Variants in RORB observed in about 807,000 individuals in gnomAD.
RORB encodes RAR related orphan receptor B, also known as nuclear receptor ROR-beta.
A neutral mutation model predicts 59.1 loss-of-function variants in RORB; 6 were observed. The ratio of observed to expected loss-of-function variants is 0.10; its 90% CI spans 0.06 to 0.20. The LOEUF is 0.20. Ranked by LOEUF, RORB falls within the 10% of genes least tolerant of loss-of-function variation. The pLI is 1.00. For missense variants in RORB, 320 were observed against 560.5 expected, an observed-to-expected ratio of 0.57 and a Z score of 4.33; for synonymous variants, 215 against 204.5, an observed-to-expected ratio of 1.05 and a Z score of -0.44.
At chr9:74,639,969 T>C (rs1823770159) in intron 3 of RORB, among the ~76,000 whole-genome samples, 1 of 152,172 alleles carries the variant, frequency 6.6e-6, no homozygotes, top group Admixed American at 6.5e-5. Flanking sequence ...AAACTGGAAA[T>C]GTCACTGCAA....
At chr9:74,579,442 G>A (rs998979934) in intron 1 of RORB, among the ~76,000 whole-genome samples, 4 of 151,908 alleles carry the variant, frequency 2.6e-5, no homozygotes, top group African/African-American at 9.7e-5. Context: ...AATTCCCAAA[G>A]GCTTTCCTCC....
chr9:74,591,924 G>T (rs1219821823), intron 1 of RORB, among the ~76,000 whole-genome samples: 1 of 152,112 alleles, frequency 6.6e-6, no homozygotes, highest in Non-Finnish European at 1.5e-5. Context: ...GCCTGTGTGT[G>T]CATGTTCATG....
intron 1 of RORB, among the ~76,000 whole-genome samples, chr9:74,560,583 G>C (rs997100048): frequency 6.6e-6 from 1 of 151,984 alleles, no homozygotes; most frequent in Non-Finnish European, 1.5e-5. Flanking sequence ...TCTTTCCAAA[G>C]AGAGACCAAA....
intron 1 of RORB, among the ~76,000 whole-genome samples, chr9:74,537,192 C>T (rs1826333543): frequency 6.6e-6 from 1 of 152,028 alleles, no homozygotes; most frequent in Non-Finnish European, 1.5e-5. Context: ...CTTCATCATT[C>T]ATCGTTACCT....
intron 4 of RORB, among the ~76,000 whole-genome samples, chr9:74,645,694 A>T (rs1050510414): frequency 1.3e-4 from 20 of 152,200 alleles, no homozygotes; most frequent in African/African-American, 4.8e-4. Context: ...AGCAAGTCCT[A>T]TTTAAATTCT....
At chr9:74,676,907 G>A (rs1001353387) in intron 9 of RORB, among the ~76,000 whole-genome samples, 5 of 152,212 alleles carry the variant, frequency 3.3e-5, no homozygotes, top group Non-Finnish European at 7.3e-5. Context: ...GGGTAGCCAT[G>A]GAAAGAGAAT....
In RORB at chr9:74,685,561, G is replaced by C; in HGVS notation, c.1323G>C (p.Leu441=). 1 of 1,612,490 alleles carries C rather than the reference G, an allele frequency of 6.2e-7. No homozygotes were observed. The highest frequency in any genetic ancestry group is 8.5e-7 in the Non-Finnish European group (1 of 1,178,862). The change falls in exon 10 of 10, where the codon CTG becomes CTC. Residue 441 remains leucine, a synonymous_variant. Transcript: ENST00000376896. ...CTCATCCAGAGATAGTGAATACACT[G>C]TTTCCTCCGTTATACAAGGAGCTCT... is the stretch of plus-strand genomic sequence containing the variant. ...KQSHPEIVNT[L]FPPLYKELFN...
intron 1 of RORB, among the ~76,000 whole-genome samples, chr9:74,501,281 G>A (rs1265540948): frequency 6.6e-6 from 1 of 152,122 alleles, no homozygotes; most frequent in East Asian, 1.9e-4. Flanking sequence ...TCTATTATTT[G>A]CAGGTAGTTA....
chr9:74,525,890 AT>A (rs1397361370), intron 1 of RORB, among the ~76,000 whole-genome samples: 6 of 151,940 alleles, frequency 3.9e-5, no homozygotes, highest in Non-Finnish European at 8.8e-5. Flanking sequence ...GCAAATGCAA[AT>A]TTACTAGAGT....
At chr9:74,531,348 A>G (rs571864267) in intron 1 of RORB, among the ~76,000 whole-genome samples, 9 of 152,122 alleles carry the variant, frequency 5.9e-5, no homozygotes, top group Middle Eastern at 3.4e-3. Flanking sequence ...CCTTCAGACT[A>G]GGTCCATGTG....
intron 1 of RORB, among the ~76,000 whole-genome samples, chr9:74,530,653 C>T (rs551631320): frequency 2.0e-5 from 3 of 152,084 alleles, no homozygotes; most frequent in South Asian, 2.1e-4. Context: ...GATCCTTCCA[C>T]GCTGTCCTCA....
At chr9:74,682,707 A>C (rs1396524716) in intron 9 of RORB, among the ~76,000 whole-genome samples, 2 of 152,204 alleles carry the variant, frequency 1.3e-5, no homozygotes, top group African/African-American at 2.4e-5. Context: ...AAAGCAGCTA[A>C]TTCTACACTT....
rs541165761 is a variant in RORB at position 74,562,074 on chromosome 9, G to A, written c.7+64091G>A. 1.1e-4 allele frequency among the ~76,000 whole-genome samples: 17 copies of A among 152,238 alleles called. 1 individual carries two copies. In the South Asian group the frequency reaches 2.9e-3, roughly 26 times the overall value. The stretch of plus-strand genomic sequence containing the variant: ...AGAGGATGGTGCATGTTGTCAGTAC[G>A]TCATATTGCTGATGGTGTTTAATTA... On this transcript the variant is annotated intron_variant, in intron 1 of 9. Coordinates refer to ENST00000376896, the MANE Select transcript of RORB (RefSeq NM_006914.4).
intron 1 of RORB, among the ~76,000 whole-genome samples, chr9:74,583,570 A>G (rs1411673289): frequency 6.6e-6 from 1 of 151,966 alleles, no homozygotes; most frequent in East Asian, 1.9e-4. Context: ...TGTTTGCCAA[A>G]TGATTGTTTT....
intron 1 of RORB, among the ~76,000 whole-genome samples, chr9:74,579,206 A>C (rs1822682281): frequency 6.6e-6 from 1 of 152,150 alleles, no homozygotes; most frequent in Non-Finnish European, 1.5e-5. Flanking sequence ...GACTTTCAGC[A>C]AGTCAAGCAA....
chr9:74,563,184 CTTTTTT>C (rs766404071), intron 1 of RORB, among the ~76,000 whole-genome samples: 1 of 127,120 alleles, frequency 7.9e-6, no homozygotes, highest in Non-Finnish European at 1.7e-5. Context: ...TCTCTTCAGT[CTTTTTT>C]TTTTTTTTTT....
intron 1 of RORB, among the ~76,000 whole-genome samples, chr9:74,554,825 C>A (rs1315546686): frequency 2.6e-5 from 4 of 152,118 alleles, no homozygotes; most frequent in Admixed American, 1.3e-4. Context: ...GAATTCAGTC[C>A]CCACTAAAAA....
intron 1 of RORB, among the ~76,000 whole-genome samples, chr9:74,627,160 C>A (rs1217942181): frequency 1.6e-3 from 213 of 132,614 alleles, no homozygotes; most frequent in Non-Finnish European, 1.8e-3. Flanking sequence ...GACTCCATCT[C>A]AAAAAAAAAA....
At chr9:74,566,704 A>G (rs1282888649) in intron 1 of RORB, among the ~76,000 whole-genome samples, 3 of 152,162 alleles carry the variant, frequency 2.0e-5, no homozygotes, top group Non-Finnish European at 4.4e-5. Flanking sequence ...GAGTGAGGCA[A>G]AAGAATCACT....
Sources: allele counts gnomAD v4.1 joint callset (sites outside exome capture counted in the v4.1 genomes callset), GRCh38; gene constraint gnomAD v4.1.1; transcripts MANE v1.5; gene names NCBI Gene and HGNC (gene_info 2026-07-23, HGNC 2026-07-21).